Variants in GRIK1 observed in about 807,000 individuals in gnomAD.
GRIK1 encodes the protein glutamate receptor ionotropic, kainate 1.
GRIK1 carries 69 observed loss-of-function variants against 105.7 expected under a neutral mutation model. The ratio of observed to expected loss-of-function variants is 0.65; its 90% CI spans 0.54 to 0.80. GRIK1 has a LOEUF of 0.80. Among genes scored for constraint, GRIK1 ranks in the 30% least tolerant of loss-of-function variants. The pLI is 0.00. For synonymous variants in GRIK1, 438 were observed against 431.3 expected, an observed-to-expected ratio of 1.02 and a Z score of -0.19; for missense variants, 1,109 against 1,167.3, an observed-to-expected ratio of 0.95 and a Z score of 0.73.
intron 7 of GRIK1, among the ~76,000 whole-genome samples, chr21:29,624,541 CA>C (rs907977247): frequency 6.6e-6 from 1 of 152,080 alleles, no homozygotes; most frequent in African/African-American, 2.4e-5. Flanking sequence ...CATTTATAAC[CA>C]AAAGGTCAGC....
intron 1 of GRIK1, among the ~76,000 whole-genome samples, chr21:29,759,562 T>A (rs1265222260): frequency 1.3e-5 from 2 of 152,208 alleles, no homozygotes; most frequent in Non-Finnish European, 2.9e-5. Context: ...TCATAGATTA[T>A]ACTATCAGCA....
intron 1 of GRIK1, among the ~76,000 whole-genome samples, chr21:29,697,115 T>A (rs1473807488): frequency 6.6e-6 from 1 of 152,238 alleles, no homozygotes. Context: ...AAAATGTAAA[T>A]GTTTTCATTT....
intron 1 of GRIK1, among the ~76,000 whole-genome samples, chr21:29,878,345 A>C (rs555670322): frequency 1.3e-4 from 20 of 152,286 alleles, no homozygotes; most frequent in African/African-American, 4.8e-4. Context: ...TGCTTTTGCT[A>C]GGAGATGGAG....
intron 6 of GRIK1, among the ~76,000 whole-genome samples, chr21:29,647,281 T>TA (rs1406355284): frequency 6.6e-6 from 1 of 152,248 alleles, no homozygotes; most frequent in Non-Finnish European, 1.5e-5. Context: ...TGTACAGATT[T>TA]ATGGATGAGC....
intron 3 of GRIK1, among the ~76,000 whole-genome samples, chr21:29,688,559 C>T (rs543803602): frequency 6.6e-6 from 1 of 151,944 alleles, no homozygotes; most frequent in African/African-American, 2.4e-5. Flanking sequence ...TTATTCTATC[C>T]ATGTGGAATT....
At chr21:29,560,576 C>CTTTCTTTCTT (rs1292067469) in intron 15 of GRIK1, among the ~76,000 whole-genome samples, 1 of 112,510 alleles carries the variant, frequency 8.9e-6, no homozygotes, top group Non-Finnish European at 1.8e-5. Context: ...TTCTTTCTTT[C>CTTTCTTTCTT]TCTCTTTCTT....
intron 12 of GRIK1, among the ~76,000 whole-genome samples, chr21:29,584,214 A>G (rs16984415): frequency 0.037 from 5,510 of 150,820 alleles, 329 homozygotes; most frequent in African/African-American, 0.13. Context: ...AGAAAAATCC[A>G]TTCATCTTTC....
At chr21:29,640,377 T>A (rs2062487159) in intron 7 of GRIK1, among the ~76,000 whole-genome samples, 1 of 152,122 alleles carries the variant, frequency 6.6e-6, no homozygotes, top group Non-Finnish European at 1.5e-5. Flanking sequence ...CCCCATTCCA[T>A]CTTCTCTGTA....
intron 1 of GRIK1, among the ~76,000 whole-genome samples, chr21:29,932,642 G>A (rs954580635): frequency 6.6e-6 from 1 of 151,734 alleles, no homozygotes; most frequent in Admixed American, 6.6e-5. Context: ...ATAATAAGTA[G>A]GGAGTTTCCA....
intron 1 of GRIK1, among the ~76,000 whole-genome samples, chr21:29,892,944 C>T (rs1170066839): frequency 1.3e-5 from 2 of 152,074 alleles, no homozygotes; most frequent in African/African-American, 4.8e-5. Flanking sequence ...GAGGCTTAGG[C>T]GGGTGGATCA....
In GRIK1 at chr21:29,923,950, G is replaced by A. The variant is rs943872426; in HGVS notation, c.118+15433C>T. Among the ~76,000 whole-genome samples the A allele has an allele frequency of 2.6e-5, 4 of 152,214 alleles. No homozygotes were observed. In the South Asian group the frequency reaches 8.3e-4, roughly 32 times the overall value. ...TAACAAACAAAACAACAAAAACATAGTTAAGCAAGTACCAAATACAAAATC... is the reference window on the plus strand; with the variant it reads ...TAACAAACAAAACAACAAAAACATAATTAAGCAAGTACCAAATACAAAATC... On this transcript the variant is annotated intron_variant, in intron 1 of 17. Transcript: ENST00000327783.
rs573187630 is a variant in GRIK1 at position 29,879,872 on chromosome 21, T to C, written c.118+59511A>G. On this transcript the variant is annotated intron_variant, in intron 1 of 17. Coordinates refer to ENST00000327783, the MANE Select transcript of GRIK1 (RefSeq NM_001330994.2). ...GTTCTTTGATTTTTTTTTTAACAAA[T>C]GCTTAACATCAAACAGGAGATGAAG... is the stretch of plus-strand genomic sequence containing the variant. Among the ~76,000 whole-genome samples the C allele has an allele frequency of 1.4e-4, 21 of 152,126 alleles. No homozygotes were observed. The East Asian group carries it at 2.9e-3, about 21-fold the overall frequency.
intron 14 of GRIK1, among the ~76,000 whole-genome samples, chr21:29,576,050 A>C (rs561668034): frequency 6.0e-5 from 9 of 151,124 alleles, no homozygotes; most frequent in Non-Finnish European, 1.0e-4. Flanking sequence ...TTTTTTTCCC[A>C]AAAAAAACTT....
At chr21:29,543,315 T>C (rs2089999996) in intron 16 of GRIK1, among the ~76,000 whole-genome samples, 1 of 152,206 alleles carries the variant, frequency 6.6e-6, no homozygotes, top group Admixed American at 6.5e-5. Context: ...ATTTAGGGAT[T>C]TGCAACATAG....
intron 1 of GRIK1, among the ~76,000 whole-genome samples, chr21:29,889,054 C>T (rs1211683196): frequency 6.6e-6 from 1 of 152,162 alleles, no homozygotes; most frequent in African/African-American, 2.4e-5. Context: ...AAAACCTTTG[C>T]AGGGACCTCT....
At chr21:29,924,945 A>G (rs2146337204) in intron 1 of GRIK1, among the ~76,000 whole-genome samples, 1 of 152,300 alleles carries the variant, frequency 6.6e-6, no homozygotes, top group East Asian at 1.9e-4. Context: ...GCTCAGACTC[A>G]AGGAGCAATC....
intron 1 of GRIK1, among the ~76,000 whole-genome samples, chr21:29,922,888 G>A (rs1329844891): frequency 6.6e-6 from 1 of 152,174 alleles, no homozygotes; most frequent in Non-Finnish European, 1.5e-5. Context: ...AAGAATCTCA[G>A]ATGGGAGTGG....
intron 1 of GRIK1, among the ~76,000 whole-genome samples, chr21:29,925,705 A>G (rs1169005570): frequency 6.6e-6 from 1 of 152,190 alleles, no homozygotes; most frequent in Non-Finnish European, 1.5e-5. Context: ...TGTCTTTTTA[A>G]GTAGCATATC....
At chr21:29,795,430 C>T (rs1423301714) in intron 1 of GRIK1, among the ~76,000 whole-genome samples, 1 of 152,134 alleles carries the variant, frequency 6.6e-6, no homozygotes, top group African/African-American at 2.4e-5. Context: ...TCCCTTTGAG[C>T]TATCCTTGCT....
Sources: allele counts gnomAD v4.1 joint callset (sites outside exome capture counted in the v4.1 genomes callset), GRCh38; gene constraint gnomAD v4.1.1; transcripts MANE v1.5; gene names NCBI Gene and HGNC (gene_info 2026-07-23, HGNC 2026-07-21).